Variants in ZFAT observed in about 807,000 individuals in gnomAD.
The protein encoded by ZFAT is zinc finger and AT-hook domain containing.
ZFAT carries 64 observed loss-of-function variants against 117.7 expected under a neutral mutation model. The ratio of observed to expected loss-of-function variants is 0.54; its 90% CI spans 0.44 to 0.67. The LOEUF (loss-of-function observed/expected upper bound fraction) is 0.67, where lower values mean the gene tolerates loss of function less well. Ranked by LOEUF, ZFAT falls within the 30% of genes least tolerant of loss-of-function variation. The pLI is 0.00. For missense variants in ZFAT, 1,433 were observed against 1,584.5 expected (o/e 0.90, Z 1.62); for synonymous variants, 679 against 615.0 (o/e 1.10, Z -1.54).
chr8:134,591,830 C>G (rs760262686), intron 7 of ZFAT, among the ~76,000 whole-genome samples: 1 of 152,184 alleles, frequency 6.6e-6, no homozygotes, highest in East Asian at 1.9e-4. Context: ...ACCACATCCT[C>G]CCCCACAGCC....
Position 134,589,637 on chromosome 8 carries a change from C to T in ZFAT, c.2563+631G>A, listed in dbSNP as rs1273753623. ...AGTGACTTGAGCACAGCGGTCAGTGCGCCCTGTGTGACGTTAGCAGGGGTG... is the reference window on the plus strand; with the variant it reads ...AGTGACTTGAGCACAGCGGTCAGTGTGCCCTGTGTGACGTTAGCAGGGGTG... On this transcript the variant is annotated intron_variant, in intron 8 of 15. Transcript: ENST00000377838. 2.0e-5 allele frequency among the ~76,000 whole-genome samples: 3 copies of T among 152,160 alleles called. No homozygotes were observed. The South Asian group carries it at 6.2e-4, about 31-fold the overall frequency.
chr8:134,480,395 C>A (rs1382142844), intron 15 of ZFAT, among the ~76,000 whole-genome samples: 2 of 152,232 alleles, frequency 1.3e-5, no homozygotes, highest in African/African-American at 4.8e-5. Context: ...AAGGGCAGGA[C>A]CATGTCTGCC....
At chr8:134,777,055 G>C in the ZFAT span, among the ~76,000 whole-genome samples, 2 of 152,128 alleles carry the variant, frequency 1.3e-5, no homozygotes, top group Non-Finnish European at 2.9e-5. Flanking sequence ...TTCTGGGAGG[G>C]GAAAAGCCCT....
At chr8:134,691,460 C>T (rs576377431) in intron 1 of ZFAT, among the ~76,000 whole-genome samples, 2 of 152,324 alleles carry the variant, frequency 1.3e-5, no homozygotes, top group South Asian at 2.1e-4. Context: ...CCCTAGGGGG[C>T]GATAAAAGAC....
intron 12 of ZFAT, among the ~76,000 whole-genome samples, chr8:134,526,671 C>T (rs999940264): frequency 6.6e-6 from 1 of 152,094 alleles, no homozygotes. Flanking sequence ...ATTGAAAATT[C>T]AATTTCATTT....
At chr8:134,690,758 T>C (rs1159981340) in intron 1 of ZFAT, among the ~76,000 whole-genome samples, 1 of 152,138 alleles carries the variant, frequency 6.6e-6, no homozygotes, top group Non-Finnish European at 1.5e-5. Flanking sequence ...AAATACAAAA[T>C]AAATATTTAA....
intron 11 of ZFAT, among the ~76,000 whole-genome samples, chr8:134,555,768 A>G (rs1160001473): frequency 6.6e-6 from 1 of 151,926 alleles, no homozygotes; most frequent in Non-Finnish European, 1.5e-5. Context: ...TAAAATTATT[A>G]AACAAAAACA....
intron 11 of ZFAT, among the ~76,000 whole-genome samples, chr8:134,547,877 G>A (rs1278181089): frequency 6.6e-6 from 1 of 152,112 alleles, no homozygotes; most frequent in East Asian, 1.9e-4. Flanking sequence ...TGGTTATCCT[G>A]GGCTGAGCAC....
intron 7 of ZFAT, among the ~76,000 whole-genome samples, chr8:134,590,704 G>A (rs1336844784): frequency 1.5e-5 from 2 of 129,546 alleles, no homozygotes; most frequent in Non-Finnish European, 3.4e-5. Context: ...ACAACACCAC[G>A]ACCACCATCA....
chr8:134,629,003 A>G (rs1003122173), intron 3 of ZFAT, among the ~76,000 whole-genome samples: 30 of 152,242 alleles, frequency 2.0e-4, no homozygotes, highest in African/African-American at 6.3e-4. Context: ...TACACAGAGC[A>G]TGAATTGGGG....
intron 2 of ZFAT, among the ~76,000 whole-genome samples, chr8:134,645,097 TG>T (rs1253021635): frequency 6.6e-6 from 1 of 152,104 alleles, no homozygotes; most frequent in Non-Finnish European, 1.5e-5. Context: ...AGAAGGAAAA[TG>T]AAAGGTCTTT....
In ZFAT at chr8:134,602,393, G is replaced by C. The variant is rs1386469769; in HGVS notation, c.1326C>G (p.Thr442=). The C allele has an allele frequency of 6.2e-7, 1 of 1,613,742 alleles. No individual in the cohort carries two copies. Among genetic ancestry groups the C allele is most frequent in the African/African-American group, 1.3e-5 (1 of 74,930 alleles). ...CATGCAGTTCCAGCGCCTGGTACTT[G>C]GTGGCCCCATGGCCACAGAGCTCAC... is the stretch of plus-strand genomic sequence containing the variant. ...FACELCGHGA[T]KYQALELHVR... The change falls in exon 6 of 16, where the codon ACC becomes ACG. Residue 442 remains threonine (T), a synonymous_variant. Coordinates refer to ENST00000377838, the MANE Select transcript of ZFAT (RefSeq NM_020863.4).
At chr8:134,661,756 G>C (rs1825183735) in intron 1 of ZFAT, among the ~76,000 whole-genome samples, 1 of 152,222 alleles carries the variant, frequency 6.6e-6, no homozygotes, top group Admixed American at 6.5e-5. Flanking sequence ...CAACAACAGA[G>C]ACAGGGGAGG....
At chr8:134,560,632 T>C (rs924580557) in intron 11 of ZFAT, among the ~76,000 whole-genome samples, 1 of 152,146 alleles carries the variant, frequency 6.6e-6, no homozygotes, top group Non-Finnish European at 1.5e-5. Context: ...GACTTATCTA[T>C]TTGGAAGAAA....
At chr8:134,781,374 G>A in the ZFAT span, among the ~76,000 whole-genome samples, 1 of 152,118 alleles carries the variant, frequency 6.6e-6, no homozygotes, top group South Asian at 2.1e-4. Flanking sequence ...GTTGAGAGTG[G>A]TTAACATCAG....
chr8:134,678,841 G>C lies in ZFAT; in HGVS notation c.20-21104C>G, dbSNP rs1586939721. On this transcript the variant is annotated intron_variant, in intron 1 of 15. Transcript: ENST00000377838. ...CTGACAAAAACAAGCAATGAGGAAA[G>C]GATTCCCTATTTAATAAATGGTGCT... is the stretch of plus-strand genomic sequence containing the variant. 4.6e-5 allele frequency among the ~76,000 whole-genome samples: 7 copies of C among 151,650 alleles called. 1 individual carries two copies. The highest frequency in any genetic ancestry group is 4.6e-4 in the Admixed American group (7 of 15,198).
intron 13 of ZFAT, among the ~76,000 whole-genome samples, chr8:134,518,352 T>C (rs1820396146): frequency 6.6e-6 from 1 of 152,258 alleles, no homozygotes; most frequent in Non-Finnish European, 1.5e-5. Flanking sequence ...TACATATTGC[T>C]ATTCTCTTCA....
Position 134,694,216 on chromosome 8 carries a change from G to A in ZFAT, c.19+18629C>T, listed in dbSNP as rs115452064. On this transcript the variant is annotated intron_variant, in intron 1 of 15. Coordinates refer to ENST00000377838, the MANE Select transcript of ZFAT (RefSeq NM_020863.4). ...AGGCACGTGGCTGAGGTGTCCTTCCGCCATAAAGGGTGTCGCTGGGACAAT... is the reference window on the plus strand; with the variant it reads ...AGGCACGTGGCTGAGGTGTCCTTCCACCATAAAGGGTGTCGCTGGGACAAT... Among the ~76,000 whole-genome samples, 698 of 152,312 alleles carry A rather than the reference G, an allele frequency of 4.6e-3. 7 individuals carry two copies. Among genetic ancestry groups the A allele is most frequent in the African/African-American group, 0.016 (666 of 41,566 alleles).
chr8:134,819,625 GCTC>G, the ZFAT span, among the ~76,000 whole-genome samples: 1 of 151,002 alleles, frequency 6.6e-6, no homozygotes. Context: ...TTCTTTCTGG[GCTC>G]CTATTCCACT....
Sources: gnomAD v4.1 joint callset for allele counts (sites outside exome capture counted in the v4.1 genomes callset) on GRCh38, gnomAD v4.1.1 for gene constraint, MANE v1.5 for transcripts, NCBI Gene and HGNC (gene_info 2026-07-23, HGNC 2026-07-21) for gene names.